Variants in STK10 observed in about 807,000 individuals in gnomAD.
STK10 encodes the protein serine/threonine-protein kinase 10.
Under a neutral mutation model 113.8 loss-of-function variants are expected in STK10, and 78 were observed. That is an observed-to-expected ratio of 0.69 (90% CI 0.57 to 0.83). The LOEUF (loss-of-function observed/expected upper bound fraction) is 0.83. STK10 is among the 40% of genes least tolerant of loss of function. STK10 has a pLI of 0.00. For missense variants in STK10, 1,109 were observed against 1,280.1 expected (o/e 0.87, Z 2.04); for synonymous variants, 465 against 494.7 (o/e 0.94, Z 0.80).
intron 2 of STK10, among the ~76,000 whole-genome samples, chr5:172,145,454 G>A (rs1353224895): frequency 6.6e-6 from 1 of 152,178 alleles, no homozygotes; most frequent in African/African-American, 2.4e-5. Flanking sequence ...CGGGGGTGGG[G>A]CAGTGTGGGG....
chr5:172,115,183 C>T (rs994015038), intron 4 of STK10: 1 of 152,548 alleles, frequency 6.6e-6, no homozygotes, highest in Non-Finnish European at 1.5e-5. Flanking sequence ...GTGCCAGAGA[C>T]TGAAGACAAG....
intron 12 of STK10, among the ~76,000 whole-genome samples, chr5:172,078,124 C>A (rs542358692): frequency 6.6e-6 from 1 of 152,318 alleles, no homozygotes; most frequent in East Asian, 1.9e-4. Flanking sequence ...CCTTGCAGCC[C>A]TCACAGAGGT....
intron 12 of STK10, among the ~76,000 whole-genome samples, chr5:172,078,295 T>C (rs1768355414): frequency 6.6e-6 from 1 of 152,114 alleles, no homozygotes. Context: ...GCAAGAAAGT[T>C]TGCCTACACA....
intron 4 of STK10, among the ~76,000 whole-genome samples, chr5:172,109,570 G>A (rs1198737581): frequency 6.6e-6 from 1 of 152,110 alleles, no homozygotes; most frequent in East Asian, 1.9e-4. Context: ...GCCTCCGAAA[G>A]TGCTAGGATT....
rs1290259795 is a variant in STK10, at chr5:172,187,323, C to T, written c.156+564G>A. On this transcript the variant is annotated intron_variant, in intron 1 of 18. Coordinates refer to ENST00000176763, the MANE Select transcript of STK10 (RefSeq NM_005990.4). This position sits in a 1 kb window ranked among gnomAD's most constrained non-coding sequence, Gnocchi z 4.6. ...CCTGACCTCCCCCTCTGACCAGCCCCAACCCACCTTTCCAAGCCCCACCTC... is the reference window on the plus strand; with the variant it reads ...CCTGACCTCCCCCTCTGACCAGCCCTAACCCACCTTTCCAAGCCCCACCTC... Among the ~76,000 whole-genome samples, 3 of 152,112 alleles carry T rather than the reference C, an allele frequency of 2.0e-5. No homozygotes were observed. Among genetic ancestry groups the T allele is most frequent in the Admixed American group, 6.5e-5 (1 of 15,268 alleles).
intron 7 of STK10, among the ~76,000 whole-genome samples, chr5:172,098,295 G>A (rs538664998): frequency 2.6e-5 from 4 of 152,178 alleles, no homozygotes; most frequent in Non-Finnish European, 5.9e-5. Context: ...TCCAGATCTT[G>A]TATAGCTGAG....
chr5:172,124,358 T>A (rs551364285), intron 3 of STK10, among the ~76,000 whole-genome samples: 1 of 152,214 alleles, frequency 6.6e-6, no homozygotes, highest in Non-Finnish European at 1.5e-5. Context: ...CTAAAAAAGT[T>A]TGAGTATTCT....
chr5:172,188,140 C>A lies in STK10; in HGVS notation c.-98G>T. On this transcript the variant is annotated 5_prime_UTR_variant, in exon 1 of 19. Transcript: ENST00000176763. The surrounding 1 kb of genome is among the most constrained non-coding windows in gnomAD (Gnocchi z 5.6). Reference sequence around the variant, plus strand: ...AAGGAGGAGGAGTTGGAGGACGCCGCGTCTCTCGGGGTTCTCCCCAGACCC... The same window carrying A: ...AAGGAGGAGGAGTTGGAGGACGCCGAGTCTCTCGGGGTTCTCCCCAGACCC... The A allele has an allele frequency of 6.7e-7, 1 of 1,499,890 alleles. No homozygotes were observed. The allele number at this position is 1,499,890 out of a possible 1,614,324, so 92.9% of individuals were successfully genotyped here.
chr5:172,091,705 A>G (rs900185803), intron 9 of STK10, among the ~76,000 whole-genome samples: 2 of 151,728 alleles, frequency 1.3e-5, no homozygotes, highest in Admixed American at 1.3e-4. Context: ...TAATTTTTTA[A>G]TTTTTTTAAG....
chr5:172,085,263 T>A (rs529493987), intron 10 of STK10, among the ~76,000 whole-genome samples: 3 of 151,282 alleles, frequency 2.0e-5, no homozygotes, highest in African/African-American at 7.3e-5. Flanking sequence ...GAAAAAAAAA[T>A]TGACCTAAGC....
intron 12 of STK10, among the ~76,000 whole-genome samples, chr5:172,074,747 G>A (rs375807956): frequency 1.5e-4 from 23 of 152,274 alleles, no homozygotes; most frequent in Admixed American, 9.2e-4. Context: ...AGCCGGGTGC[G>A]TTGGCTCACA....
intron 3 of STK10, among the ~76,000 whole-genome samples, chr5:172,122,892 G>C (rs1769545055): frequency 6.6e-6 from 1 of 152,138 alleles, no homozygotes; most frequent in Non-Finnish European, 1.5e-5. Flanking sequence ...CAAAGTGCTG[G>C]GATTACAGGC....
intron 2 of STK10, among the ~76,000 whole-genome samples, chr5:172,131,321 C>A (rs12716276): frequency 0.31 from 46,746 of 151,976 alleles, 8,376 homozygotes; most frequent in African/African-American, 0.5. Context: ...GGCGTGAGCC[C>A]CCGCGCCTGG....
chr5:172,105,667 G>A lies in STK10; in HGVS notation c.859C>T (p.Gln287Ter), dbSNP rs776358928. 2 of 1,613,712 alleles carry A rather than the reference G, an allele frequency of 1.2e-6. No homozygotes were observed. The highest frequency in any genetic ancestry group is 2.7e-5 in the African/African-American group (2 of 74,914). ...KNPETRPSAA[Q>*]LLEHPFVSSI... The stretch of plus-strand genomic sequence containing the variant: ...GGGAATCCACTCACCTCCAGCAGCT[G>A]CGCGGCACTGGGTCGGGTTTCTGGG... The change falls in exon 7 of 19, where the codon CAG (glutamine) becomes TAG (stop). Residue 287 changes from glutamine (Q) to a stop codon, truncating the protein, a stop_gained. Coordinates refer to ENST00000176763, the MANE Select transcript of STK10 (RefSeq NM_005990.4). LOFTEE classifies it high-confidence loss of function.
chr5:172,095,130 T>C (rs1768818952), intron 8 of STK10, among the ~76,000 whole-genome samples: 2 of 152,226 alleles, frequency 1.3e-5, no homozygotes. Flanking sequence ...TGCCTGCTTA[T>C]AAACGTGGTA....
chr5:172,097,874 C>T (rs368026145), intron 7 of STK10, among the ~76,000 whole-genome samples: 9 of 152,084 alleles, frequency 5.9e-5, no homozygotes, highest in African/African-American at 1.4e-4. Flanking sequence ...CCTTGCAAAA[C>T]GCCAAAGCAA....
At chr5:172,109,907 G>A (rs746570628) in intron 4 of STK10, among the ~76,000 whole-genome samples, 5 of 152,184 alleles carry the variant, frequency 3.3e-5, no homozygotes, top group African/African-American at 9.7e-5. Flanking sequence ...AGGCCACCCC[G>A]GGCACCAGTG....
chr5:172,062,751 G>C (rs1767962334), intron 13 of STK10, among the ~76,000 whole-genome samples: 1 of 152,228 alleles, frequency 6.6e-6, no homozygotes, highest in Non-Finnish European at 1.5e-5. Flanking sequence ...AGAAGAAATG[G>C]AGAATTACGG....
chr5:172,155,999 A>C (rs946232180), intron 2 of STK10, among the ~76,000 whole-genome samples: 3 of 152,128 alleles, frequency 2.0e-5, no homozygotes, highest in Admixed American at 6.6e-5. Context: ...CATCTCAAAA[A>C]AAAAAAAAAG....
Sources: allele counts gnomAD v4.1 joint callset (sites outside exome capture counted in the v4.1 genomes callset), GRCh38; gene constraint gnomAD v4.1.1; non-coding constraint Gnocchi (gnomAD v3.1); transcripts MANE v1.5; gene names NCBI Gene and HGNC (gene_info 2026-07-23, HGNC 2026-07-21).